Variants in ORC2 observed in about 807,000 individuals in gnomAD.
The protein encoded by ORC2 is origin recognition complex protein 2 homolog.
In ORC2, 37 loss-of-function variants were observed where a neutral mutation model predicts 77.7. The ratio of observed to expected loss-of-function variants is 0.48; its 90% confidence interval spans 0.37 to 0.63. The LOEUF (loss-of-function observed/expected upper bound fraction) is 0.63. Among genes scored for constraint, ORC2 ranks in the 20% least tolerant of loss-of-function variants. The probability of loss-of-function intolerance (pLI) is 0.00; values close to 1 mark genes in which losing one functional copy is unlikely to be tolerated. For missense variants in ORC2, 557 were observed against 661.9 expected (o/e 0.84, Z 1.74); for synonymous variants, 201 against 229.5 (o/e 0.88, Z 1.12).
At chr2:200,943,377 CTTTT>C (rs776917932) in intron 5 of ORC2, among the ~76,000 whole-genome samples, 1 of 150,310 alleles carries the variant, frequency 6.7e-6, no homozygotes, top group Non-Finnish European at 1.5e-5. Flanking sequence ...CTTTCTCTCG[CTTTT>C]TTTTTCTAAA....
intron 15 of ORC2, among the ~76,000 whole-genome samples, chr2:200,917,273 G>T (rs2124934912): frequency 6.6e-6 from 1 of 152,204 alleles, no homozygotes; most frequent in South Asian, 2.1e-4. Context: ...GAGATTACAA[G>T]CATGAGCCAC....
rs16836116 is a variant in ORC2, at chr2:200,941,492, A to C, written c.422-213T>G. Among the ~76,000 whole-genome samples the C allele has an allele frequency of 4.3e-4, 64 of 150,026 alleles. 1 individual carries two copies. Among genetic ancestry groups the C allele is most frequent in the African/African-American group, 1.6e-3 (63 of 40,092 alleles). ...TCCTGTGTCTATTCAAAAAATTAAA[A>C]ATTAAAAAAAAAAAAAAAAAGCAAA... On this transcript the variant is annotated intron_variant, in intron 6 of 17. Transcript: ENST00000234296.
chr2:200,914,098 G>T (rs900395211), intron 15 of ORC2, 106 bp from the exon 16 acceptor site: 5 of 650,022 alleles, frequency 7.7e-6, no homozygotes, highest in African/African-American at 3.8e-5. Flanking sequence ...TGGCCTATCC[G>T]CATTATCTTC....
chr2:200,919,830 T>C (rs149220356), intron 15 of ORC2, among the ~76,000 whole-genome samples: 8 of 152,338 alleles, frequency 5.3e-5, no homozygotes, highest in African/African-American at 1.9e-4. Flanking sequence ...TTTGTGCCAC[T>C]GACTATCCAC....
chr2:200,927,851 C>T (rs945137469), intron 11 of ORC2, among the ~76,000 whole-genome samples: 6 of 151,072 alleles, frequency 4.0e-5, no homozygotes, highest in Admixed American at 1.3e-4. Flanking sequence ...CGCCCGCCAC[C>T]ATGCCCAGCT....
chr2:200,915,394 A>AT lies in ORC2; in HGVS notation c.1467-1403dup. On this transcript the variant is annotated intron_variant, in intron 15 of 17. Coordinates refer to ENST00000234296, the MANE Select transcript of ORC2 (RefSeq NM_006190.5). The stretch of plus-strand genomic sequence containing the variant: ...ATCTACCATGTACCATAAACTTACC[A>AT]TTTCCCTATTGGTTTGGATGTTTAC... Among the ~76,000 whole-genome samples the AT allele has an allele frequency of 3.3e-5, 5 of 152,066 alleles. No homozygotes were observed. The South Asian group carries it at 1.0e-3, about 32-fold the overall frequency.
intron 16 of ORC2, chr2:200,913,634 T>C: frequency 2.3e-6 from 3 of 1,308,922 alleles, no homozygotes; most frequent in Admixed American, 3.7e-5. Flanking sequence ...GGGAAGAAAA[T>C]CTCCTAAGAT....
chr2:200,944,729 TG>T (rs2041221044), intron 5 of ORC2, among the ~76,000 whole-genome samples: 2 of 152,128 alleles, frequency 1.3e-5, no homozygotes, highest in Admixed American at 1.3e-4. Flanking sequence ...TTGTAGAGAC[TG>T]GGTCTTCCTA....
intron 4 of ORC2, among the ~76,000 whole-genome samples, chr2:200,954,916 A>AAATG (rs1443448406): frequency 2.0e-5 from 3 of 151,942 alleles, no homozygotes; most frequent in Non-Finnish European, 4.4e-5. Context: ...ATAAATAAAT[A>AAATG]AATAAATAAA....
Position 200,920,408 on chromosome 2 carries a change from A to G in ORC2, c.1295-15T>C. ...ATGATCCCACACTAGCACATGATCA[A>G]AGAAAACAAGAATTACAAATTATTT... is the stretch of plus-strand genomic sequence containing the variant. On this transcript the variant is annotated splice_polypyrimidine_tract_variant and intron_variant, in intron 14 of 17. Transcript: ENST00000234296. 6.7e-7 allele frequency: 1 copy of G among 1,482,496 alleles called. No individual in the cohort carries two copies. Among genetic ancestry groups the G allele is most frequent in the East Asian group, 2.3e-5 (1 of 43,074 alleles). The allele number at this position is 1,482,496 out of a possible 1,614,324, so 91.8% of individuals were successfully genotyped here. A position where few individuals can be genotyped will look rare whatever the true frequency, so the allele number is the denominator to read the frequency against.
At chr2:200,957,642 T>C in intron 3 of ORC2, 98 bp from the exon 4 acceptor site, 1 of 926,596 alleles carries the variant, frequency 1.1e-6, no homozygotes, top group Non-Finnish European at 1.5e-6. Flanking sequence ...TGTCATTACT[T>C]AAAAGCTGGG....
At chr2:200,936,638 T>TAGTA in intron 8 of ORC2, among the ~76,000 whole-genome samples, 1 of 152,304 alleles carries the variant, frequency 6.6e-6, no homozygotes, top group East Asian at 1.9e-4. Context: ...GAATTTTCTG[T>TAGTA]TGCTGCCTAC....
At chr2:200,959,197 G>A (rs931800753) in intron 2 of ORC2, among the ~76,000 whole-genome samples, 195 bp downstream of exon 2, 1 of 152,038 alleles carries the variant, frequency 6.6e-6, no homozygotes, top group African/African-American at 2.4e-5. Flanking sequence ...TGCCCAGGCT[G>A]GTTCTGAGCT....
At chr2:200,926,665 G>T in intron 12 of ORC2, 103 bp downstream of exon 12, 1 of 1,151,010 alleles carries the variant, frequency 8.7e-7, no homozygotes, top group Middle Eastern at 2.0e-4. Flanking sequence ...CTACTACCGT[G>T]AAGGCTAAAA....
At chr2:200,915,649 C>T (rs2040634992) in intron 15 of ORC2, among the ~76,000 whole-genome samples, 1 of 152,104 alleles carries the variant, frequency 6.6e-6, no homozygotes, top group African/African-American at 2.4e-5. Context: ...CATTGTTATG[C>T]AGGTCCAGAA....
intron 8 of ORC2, among the ~76,000 whole-genome samples, chr2:200,936,784 A>G (rs1311306222): frequency 6.6e-6 from 1 of 152,214 alleles, no homozygotes; most frequent in Non-Finnish European, 1.5e-5. Context: ...CCTCATCCCT[A>G]CAACTCCCCA....
chr2:200,933,300 C>T (rs896857681), intron 10 of ORC2, among the ~76,000 whole-genome samples: 3 of 148,336 alleles, frequency 2.0e-5, no homozygotes, highest in African/African-American at 7.5e-5. Context: ...CCTTACCACA[C>T]TGGGCAGGTT....
chr2:200,932,334 CTTTTTTTT>C (rs869076427), intron 10 of ORC2, among the ~76,000 whole-genome samples: 1 of 120,166 alleles, frequency 8.3e-6, no homozygotes, highest in Non-Finnish European at 1.7e-5. Context: ...TCATTTCAAA[CTTTTTTTT>C]TTTTTTTTTT....
At chr2:200,915,970 T>C (rs147299397) in intron 15 of ORC2, among the ~76,000 whole-genome samples, 36 of 152,242 alleles carry the variant, frequency 2.4e-4, no homozygotes, top group Middle Eastern at 3.4e-3. Context: ...GCTAGGATTA[T>C]AGGAGTGAGC....
Sources: allele counts gnomAD v4.1 joint callset (sites outside exome capture counted in the v4.1 genomes callset), GRCh38; gene constraint gnomAD v4.1.1; transcripts MANE v1.5; gene names NCBI Gene and HGNC (gene_info 2026-07-23, HGNC 2026-07-21).